The following STK26 variants were observed in gnomAD, a reference collection of about 807,000 sequenced individuals.
The protein encoded by STK26 is serine/threonine kinase 26.
STK26 carries 14 observed loss-of-function variants against 34.7 expected under a neutral mutation model. The ratio of observed to expected loss-of-function variants is 0.40; its 90% CI spans 0.27 to 0.63. STK26 has a LOEUF of 0.63. Ranked by LOEUF, STK26 falls within the 30% of genes least tolerant of loss-of-function variation. The probability of loss-of-function intolerance (pLI) is 0.38; values close to 1 mark genes in which losing one functional copy is unlikely to be tolerated. For missense variants in STK26, 226 were observed against 309.1 expected (o/e 0.73, Z 2.02); for synonymous variants, 100 against 109.8 (o/e 0.91, Z 0.56).
At chrX:132,050,425 G>T (rs1056519726) in intron 2 of STK26, among the ~76,000 whole-genome samples, 1 of 111,744 alleles carries the variant, frequency 8.9e-6, no homozygotes, top group South Asian at 3.7e-4. Context: ...GTCATCCCTC[G>T]GGATTCCAGG....
Position 132,074,334 on chromosome X carries a change from G to A in STK26, c.*175G>A. ...GATGGCGTTTATCATTTTATATTTT[G>A]AAAGGATTATTTTGTAAGGAATAAC... is the stretch of plus-strand genomic sequence containing the variant. On this transcript the variant is annotated 3_prime_UTR_variant, in exon 12 of 12. Coordinates refer to ENST00000394334, the MANE Select transcript of STK26 (RefSeq NM_016542.4). The A allele has an allele frequency of 2.4e-6, 1 of 409,535 alleles. No individual in the cohort carries two copies. Among genetic ancestry groups the A allele is most frequent in the Non-Finnish European group, 4.1e-6 (1 of 242,966 alleles). The allele number at this position is 409,535 out of a possible 1,213,427, so 33.8% of individuals were successfully genotyped here.
intron 2 of STK26, among the ~76,000 whole-genome samples, chrX:132,044,627 TTCTC>T (rs202173059): frequency 0.023 from 995 of 43,073 alleles, 59 homozygotes; most frequent in East Asian, 0.063. Context: ...GATGTTCAAA[TTCTC>T]TCTCTCTCTC....
intron 4 of STK26, 145 bp from the exon 5 acceptor site, chrX:132,068,070 C>T: frequency 2.5e-6 from 1 of 402,061 alleles, no homozygotes; most frequent in East Asian, 4.1e-5. Context: ...TTACATTTTT[C>T]CTTCCTTGTT....
At chrX:132,071,311 T>C (rs1927408418) in intron 8 of STK26, 94 bp downstream of exon 8, 2 of 975,361 alleles carry the variant, frequency 2.1e-6, no homozygotes, top group East Asian at 3.2e-5. Context: ...TAGCATAAAA[T>C]ATAAACCATA....
In STK26 at chrX:132,075,254, T is replaced by G. The variant is rs747272116; in HGVS notation, c.*1095T>G. The G allele has an allele frequency of 9.0e-6, 1 of 111,513 alleles. No homozygotes were observed. The highest frequency in any genetic ancestry group is 3.7e-4 in the South Asian group (1 of 2,696). 9.2% of individuals were successfully genotyped at this position (111,513 alleles called of 1,213,427 possible). A position where few individuals can be genotyped will look rare whatever the true frequency, so the allele number is the denominator to read the frequency against. ...AGATTGCACAGTTAATTTTCACTTA[T>G]ATTTATGGTACTATTATGTGGGTGA... On this transcript the variant is annotated 3_prime_UTR_variant, in exon 12 of 12. Transcript: ENST00000394334.
chrX:132,043,208 A>G (rs1324409656), intron 2 of STK26, among the ~76,000 whole-genome samples: 1 of 112,072 alleles, frequency 8.9e-6, no homozygotes, highest in Non-Finnish European at 1.9e-5. Context: ...ATTCACCATA[A>G]CATTACCCAT....
intron 2 of STK26, among the ~76,000 whole-genome samples, 190 bp from the exon 3 acceptor site, chrX:132,054,441 C>G: frequency 8.9e-6 from 1 of 112,167 alleles, no homozygotes; most frequent in African/African-American, 3.2e-5. Context: ...GTGTATGATT[C>G]ACTAGAATAT....
chrX:132,034,376 G>C (rs1034765187), intron 2 of STK26, among the ~76,000 whole-genome samples: 2 of 85,653 alleles, frequency 2.3e-5, no homozygotes, highest in Admixed American at 1.8e-4. Flanking sequence ...GCGCGATCTC[G>C]GCTCACTGCA....
At chrX:132,043,429 G>A (rs4579676) in intron 2 of STK26, among the ~76,000 whole-genome samples, 36,823 of 110,379 alleles carry the variant, frequency 0.33, 4,879 homozygotes, top group African/African-American at 0.44. Context: ...TATCATTCAT[G>A]TATTAACAGA....
intron 2 of STK26, among the ~76,000 whole-genome samples, chrX:132,040,659 C>T (rs748686941): frequency 9.0e-6 from 1 of 111,231 alleles, no homozygotes; most frequent in Admixed American, 9.6e-5. Flanking sequence ...AATTAGATGG[C>T]CACATCTATT....
chrX:132,029,449 A>T (rs1013555570), intron 2 of STK26, among the ~76,000 whole-genome samples: 1 of 110,807 alleles, frequency 9.0e-6, no homozygotes, highest in African/African-American at 3.3e-5. Context: ...GGGGCAGTTC[A>T]TCCTGCAAAA....
chrX:132,058,598 C>T (rs1926941804), intron 3 of STK26, among the ~76,000 whole-genome samples: 1 of 111,038 alleles, frequency 9.0e-6, no homozygotes, highest in Admixed American at 9.6e-5. Flanking sequence ...TTAAGTTGCA[C>T]AGTAGTATAC....
At chrX:132,071,825 T>C (rs940951936) in intron 8 of STK26, among the ~76,000 whole-genome samples, 65 of 112,189 alleles carry the variant, frequency 5.8e-4, no homozygotes, top group African/African-American at 2.1e-3. Flanking sequence ...AACACCAAAT[T>C]TCTTTAGATA....
intron 4 of STK26, 35 bp downstream of exon 4, chrX:132,063,524 A>C: frequency 8.9e-7 from 1 of 1,127,249 alleles, no homozygotes; most frequent in Non-Finnish European, 1.2e-6. Context: ...ACAGATGCAA[A>C]TGTGTGCATA....
chrX:132,041,724 TA>T lies in STK26; in HGVS notation c.43-12904del, dbSNP rs1477910689. On this transcript the variant is annotated intron_variant, in intron 2 of 11. Transcript: ENST00000394334. ...AAATCTTACTGCATTTTTAAGTTCC[TA>T]AACAGACTATATAGCATTTTTTTTT... 5.4e-5 allele frequency among the ~76,000 whole-genome samples: 6 copies of T among 110,784 alleles called. No homozygotes were observed. The East Asian group carries it at 1.7e-3, about 31-fold the overall frequency.
At chrX:132,034,474 C>T (rs1231327331) in intron 2 of STK26, among the ~76,000 whole-genome samples, 3 of 107,148 alleles carry the variant, frequency 2.8e-5, no homozygotes, top group Non-Finnish European at 5.8e-5. Flanking sequence ...GCCTGGCTAA[C>T]TTTTTGTATT....
chrX:132,028,353 A>G (rs369689052), intron 2 of STK26, among the ~76,000 whole-genome samples: 16 of 111,954 alleles, frequency 1.4e-4, no homozygotes, highest in African/African-American at 5.2e-4. Context: ...GACTTATGAT[A>G]CATCTGAAAG....
chrX:132,059,811 A>G (rs1235220485), intron 3 of STK26, among the ~76,000 whole-genome samples: 1 of 111,456 alleles, frequency 9.0e-6, no homozygotes, highest in Non-Finnish European at 1.9e-5. Context: ...TGAATGAAGT[A>G]AAATATTTCA....
At chrX:132,068,681 G>A (rs1293273320) in intron 6 of STK26, 112 bp downstream of exon 6, 5 of 831,059 alleles carry the variant, frequency 6.0e-6, no homozygotes, top group Non-Finnish European at 8.3e-6. Flanking sequence ...TGTTTCTTAA[G>A]CTAGAGTTAT....
Sources: gnomAD v4.1 joint callset for allele counts (sites outside exome capture counted in the v4.1 genomes callset) on GRCh38, gnomAD v4.1.1 for gene constraint, MANE v1.5 for transcripts, NCBI Gene and HGNC (gene_info 2026-07-23, HGNC 2026-07-21) for gene names.